PRRX2: variants seen among roughly 807,000 people sequenced by gnomAD.
PRRX2 encodes the protein paired mesoderm homeobox protein 2.
Under a neutral mutation model 18.0 loss-of-function variants are expected in PRRX2, and 11 were observed. That is an observed-to-expected ratio of 0.61 (90% CI 0.39 to 1.01). The LOEUF (loss-of-function observed/expected upper bound fraction) is 1.01. Among genes scored for constraint, PRRX2 ranks in the 50% least tolerant of loss-of-function variants. PRRX2 has a pLI of 0.01. For missense variants in PRRX2, 387 were observed against 351.0 expected (o/e 1.10, Z -0.82); for synonymous variants, 177 against 154.8 (o/e 1.14, Z -1.06).
At chr9:129,712,483 C>T (rs1198406223) in intron 1 of PRRX2, among the ~76,000 whole-genome samples, 1 of 152,182 alleles carries the variant, frequency 6.6e-6, no homozygotes, top group Non-Finnish European at 1.5e-5. Context: ...GGTGGGAACA[C>T]TTGATCATTT....
At chr9:129,666,419 G>A (rs1832023542) in intron 1 of PRRX2, among the ~76,000 whole-genome samples, 1 of 152,194 alleles carries the variant, frequency 6.6e-6, no homozygotes, top group African/African-American at 2.4e-5. Flanking sequence ...GCTGCTGCCG[G>A]GTTACAACTG....
chr9:129,672,221 A>G (rs1588160965), intron 1 of PRRX2, among the ~76,000 whole-genome samples: 1 of 152,190 alleles, frequency 6.6e-6, no homozygotes, highest in East Asian at 1.9e-4. Flanking sequence ...AGGCTGCGCC[A>G]GTGGAGCAGA....
intron 1 of PRRX2, chr9:129,713,043 TCGGAGG>T (rs1333900369): frequency 6.6e-6 from 1 of 152,288 alleles, no homozygotes; most frequent in Admixed American, 6.5e-5. Context: ...GCACATCCGC[TCGGAGG>T]CGGAGGCGAG....
At chr9:129,672,850 C>T (rs1832116167) in intron 1 of PRRX2, among the ~76,000 whole-genome samples, 1 of 151,878 alleles carries the variant, frequency 6.6e-6, no homozygotes, top group Admixed American at 6.6e-5. Context: ...GGACAGGTTC[C>T]CTTTCCCCCT....
At chr9:129,682,396 C>G (rs1255293050) in intron 1 of PRRX2, among the ~76,000 whole-genome samples, 1 of 152,130 alleles carries the variant, frequency 6.6e-6, no homozygotes, top group Non-Finnish European at 1.5e-5. Context: ...AGAGGAGGGG[C>G]TGAGGACCAG....
chr9:129,720,406 T>G (rs1832774159), intron 2 of PRRX2, among the ~76,000 whole-genome samples, 190 bp from the exon 3 acceptor site: 1 of 152,222 alleles, frequency 6.6e-6, no homozygotes, highest in Non-Finnish European at 1.5e-5. Flanking sequence ...TTCATTGGTG[T>G]TCTCAATCTC....
intron 1 of PRRX2, among the ~76,000 whole-genome samples, chr9:129,680,307 A>G (rs1377907829): frequency 6.6e-6 from 1 of 150,424 alleles, no homozygotes; most frequent in African/African-American, 2.5e-5. Context: ...AGGCTGACAC[A>G]GGAGAATCGC....
intron 1 of PRRX2, among the ~76,000 whole-genome samples, chr9:129,716,696 C>G (rs1406168564): frequency 6.6e-6 from 1 of 152,074 alleles, no homozygotes; most frequent in African/African-American, 2.4e-5. Context: ...CTCAGGTGAT[C>G]CACCTGCCTC....
At chr9:129,667,386 G>A (rs1832038897) in intron 1 of PRRX2, among the ~76,000 whole-genome samples, 1 of 152,228 alleles carries the variant, frequency 6.6e-6, no homozygotes, top group African/African-American at 2.4e-5. Flanking sequence ...GGAATGCCCT[G>A]CCGGCCCAAG....
rs375579366 is a variant in PRRX2, at chr9:129,721,481, C to T, written c.626+707C>T. Among the ~76,000 whole-genome samples, 12 of 152,218 alleles carry T rather than the reference C, an allele frequency of 7.9e-5. No individual in the cohort carries two copies. In the South Asian group the frequency reaches 2.1e-3, roughly 26 times the overall value. On this transcript the variant is annotated intron_variant, in intron 3 of 3. Coordinates refer to ENST00000372469, the MANE Select transcript of PRRX2 (RefSeq NM_016307.4). The stretch of plus-strand genomic sequence containing the variant: ...TGGTCATGTGGGGGGACAGGGATTT[C>T]GTGGGTCCGCTTGAGGGTTCTTAGT...
At chr9:129,696,041 T>TA (rs374960163) in intron 1 of PRRX2, among the ~76,000 whole-genome samples, 35 of 151,468 alleles carry the variant, frequency 2.3e-4, no homozygotes, top group African/African-American at 8.0e-4. Context: ...CACACATGCT[T>TA]AGCCCATAGG....
intron 1 of PRRX2, among the ~76,000 whole-genome samples, chr9:129,672,875 C>T (rs1447050618): frequency 5.8e-5 from 8 of 137,830 alleles, no homozygotes; most frequent in Admixed American, 3.8e-4. Context: ...CCCCAGCTCC[C>T]GCACTTGTTC....
chr9:129,712,437 C>T (rs1390983518), intron 1 of PRRX2, among the ~76,000 whole-genome samples: 2 of 152,108 alleles, frequency 1.3e-5, no homozygotes, highest in Non-Finnish European at 2.9e-5. Flanking sequence ...CCTTAAATTA[C>T]ACGGAATAAG....
chr9:129,672,485 C>G (rs1297312017), intron 1 of PRRX2, among the ~76,000 whole-genome samples: 1 of 152,208 alleles, frequency 6.6e-6, no homozygotes, highest in Non-Finnish European at 1.5e-5. Flanking sequence ...CCCCTGATCT[C>G]TACCACTGCC....
At chr9:129,712,288 G>A (rs891854094) in intron 1 of PRRX2, among the ~76,000 whole-genome samples, 2 of 152,266 alleles carry the variant, frequency 1.3e-5, no homozygotes, top group East Asian at 3.9e-4. Flanking sequence ...TCAGCCCGGG[G>A]GTCAGGCGCA....
chr9:129,720,508 C>A lies in PRRX2; in HGVS notation c.448-88C>A, dbSNP rs543152835. On this transcript the variant is annotated intron_variant, in intron 2 of 3. Transcript: ENST00000372469. ...GAGAGGTGACGCTGCCAGCCCTGGG[C>A]TGGTGACAGAGCAGGCACACACCCA... 6.1e-6 allele frequency: 8 copies of A among 1,307,574 alleles called. No individual in the cohort carries two copies. In the South Asian group the frequency reaches 1.0e-4, roughly 17 times the overall value. 81.0% of individuals were successfully genotyped at this position (1,307,574 alleles called of 1,614,324 possible). A position where few individuals can be genotyped will look rare whatever the true frequency, so the allele number is the denominator to read the frequency against.
In PRRX2 at chr9:129,722,384, C is replaced by T. The variant is rs1245713919; in HGVS notation, c.*32C>T. 2 of 1,610,052 alleles carry T rather than the reference C, an allele frequency of 1.2e-6. No homozygotes were observed. Among genetic ancestry groups the T allele is most frequent in the South Asian group, 1.1e-5 (1 of 90,860 alleles). On this transcript the variant is annotated 3_prime_UTR_variant, in exon 4 of 4. Coordinates refer to ENST00000372469, the MANE Select transcript of PRRX2 (RefSeq NM_016307.4). ...GTCCCACCAGGACCCAGACGCCTCC[C>T]TGGGTGGACAGCAATAGAAAAGGGG...
chr9:129,714,316 T>G (rs375171170), intron 1 of PRRX2, among the ~76,000 whole-genome samples: 65 of 149,064 alleles, frequency 4.4e-4, no homozygotes, highest in African/African-American at 1.4e-3. Context: ...GGTAGCAGAA[T>G]CGCTTGAACC....
intron 1 of PRRX2, among the ~76,000 whole-genome samples, chr9:129,716,504 G>C (rs898896665): frequency 2.0e-5 from 3 of 151,218 alleles, no homozygotes; most frequent in African/African-American, 4.9e-5. Context: ...GCCCAGGCTG[G>C]AGTGCAGTGG....
Sources: gnomAD v4.1 joint callset for allele counts (sites outside exome capture counted in the v4.1 genomes callset) on GRCh38, gnomAD v4.1.1 for gene constraint, MANE v1.5 for transcripts, NCBI Gene and HGNC (gene_info 2026-07-23, HGNC 2026-07-21) for gene names.